The following PTPRD variants were observed in gnomAD, a reference collection of about 807,000 sequenced individuals.
PTPRD encodes the protein protein tyrosine phosphatase receptor type D, also known as receptor-type tyrosine-protein phosphatase delta.
Under a neutral mutation model 214.5 loss-of-function variants are expected in PTPRD, and 34 were observed. The observed-to-expected ratio is 0.16, with a 90% confidence interval of 0.12 to 0.21. PTPRD has a LOEUF of 0.21. Among genes scored for constraint, PTPRD ranks in the 10% least tolerant of loss-of-function variants. The pLI is 1.00. For missense variants in PTPRD, 2,545 were observed against 2,398.7 expected (o/e 1.06, Z -1.27); for synonymous variants, 1,128 against 845.7 (o/e 1.33, Z -5.79).
At chr9:10,039,147 A>T (rs1192594037) in intron 3 of PTPRD, among the ~76,000 whole-genome samples, 1 of 152,158 alleles carries the variant, frequency 6.6e-6, no homozygotes, top group East Asian at 1.9e-4. Context: ...ATAGAATTAA[A>T]TTCAAATCAT....
chr9:9,956,116 A>G (rs1247958453), intron 4 of PTPRD, among the ~76,000 whole-genome samples: 2 of 152,158 alleles, frequency 1.3e-5, no homozygotes, highest in Non-Finnish European at 2.9e-5. Flanking sequence ...GAAATGTCCA[A>G]TCTAATATAT....
chr9:10,182,173 T>C (rs926671997), intron 3 of PTPRD, among the ~76,000 whole-genome samples: 8 of 142,966 alleles, frequency 5.6e-5, no homozygotes, highest in African/African-American at 2.1e-4. Context: ...GGCAGGAGAA[T>C]CGCTTGAACT....
At chr9:10,177,187 G>T (rs779738543) in intron 3 of PTPRD, among the ~76,000 whole-genome samples, 17 of 151,880 alleles carry the variant, frequency 1.1e-4, no homozygotes, top group African/African-American at 3.9e-4. Context: ...AGTGCTTCCT[G>T]CATTTAAACT....
At chr9:10,478,388 G>C (rs565252619) in intron 2 of PTPRD, among the ~76,000 whole-genome samples, 3 of 152,132 alleles carry the variant, frequency 2.0e-5, no homozygotes, top group Admixed American at 1.3e-4. Context: ...TTCAGCCACG[G>C]CCTTGATACC....
intron 5 of PTPRD, among the ~76,000 whole-genome samples, chr9:9,768,491 C>A (rs2098724342): frequency 1.3e-5 from 2 of 152,002 alleles, no homozygotes; most frequent in South Asian, 4.2e-4. Context: ...TTATTATGTT[C>A]AAATTAATTG....
chr9:9,402,970 A>AC (rs2071341301), intron 8 of PTPRD, among the ~76,000 whole-genome samples: 1 of 145,090 alleles, frequency 6.9e-6, no homozygotes, highest in African/African-American at 2.6e-5. Flanking sequence ...TAGGGAGAAA[A>AC]AAAAAAAAAA....
At chr9:10,464,909 A>T (rs867025980) in intron 2 of PTPRD, among the ~76,000 whole-genome samples, 1 of 152,194 alleles carries the variant, frequency 6.6e-6, no homozygotes, top group Non-Finnish European at 1.5e-5. Context: ...ATAGTCATAT[A>T]GCCTAAAACT....
At chr9:9,781,643 T>C (rs965792297) in intron 5 of PTPRD, among the ~76,000 whole-genome samples, 7 of 152,192 alleles carry the variant, frequency 4.6e-5, no homozygotes, top group Admixed American at 3.3e-4. Flanking sequence ...TTCCCTGAAT[T>C]ATGCTGAAAC....
intron 4 of PTPRD, among the ~76,000 whole-genome samples, chr9:9,992,313 C>T (rs748074800): frequency 2.4e-4 from 37 of 152,048 alleles, no homozygotes; most frequent in Non-Finnish European, 4.9e-4. Flanking sequence ...AATAAAAATT[C>T]GTGGTAAAGA....
chr9:10,256,395 C>CTTTTTTTTTT (rs35833315), intron 3 of PTPRD, among the ~76,000 whole-genome samples: 1 of 144,624 alleles, frequency 6.9e-6, no homozygotes. Context: ...TGAATTACAG[C>CTTTTTTTTTT]TTTTTTTTTT....
In PTPRD at chr9:8,744,441, C is replaced by T. The variant is rs548490802; in HGVS notation, c.-103-10495G>A. On this transcript the variant is annotated intron_variant, in intron 11 of 45. Transcript: ENST00000381196. ...GAGTGGATAAAGAAAATGCAGTATA[C>T]TTATACCACGGAATATGACTAAGCC... 4.4e-4 allele frequency among the ~76,000 whole-genome samples: 67 copies of T among 152,278 alleles called. 1 individual carries two copies. The South Asian group carries it at 0.014, about 31-fold the overall frequency.
chr9:8,598,153 T>C, intron 14 of PTPRD, among the ~76,000 whole-genome samples: 1 of 152,146 alleles, frequency 6.6e-6, no homozygotes, highest in Non-Finnish European at 1.5e-5. Context: ...TAGACTTTCA[T>C]ACATTCTCCA....
At chr9:9,832,370 T>C (rs2055170424) in intron 5 of PTPRD, among the ~76,000 whole-genome samples, 1 of 152,112 alleles carries the variant, frequency 6.6e-6, no homozygotes, top group East Asian at 1.9e-4. Flanking sequence ...TGTGTATTTT[T>C]CAGGACCAAA....
At chr9:8,902,929 T>A (rs1247338652) in intron 11 of PTPRD, among the ~76,000 whole-genome samples, 2 of 152,192 alleles carry the variant, frequency 1.3e-5, no homozygotes, top group Non-Finnish European at 2.9e-5. Context: ...GCTTAGGTGC[T>A]TTATTGTTTG....
At chr9:9,194,756 T>A (rs1158946751) in intron 9 of PTPRD, among the ~76,000 whole-genome samples, 1 of 152,112 alleles carries the variant, frequency 6.6e-6, no homozygotes, top group Admixed American at 6.6e-5. Flanking sequence ...ATAGTTCTAA[T>A]AGCACATTGC....
chr9:9,930,020 T>C (rs1263560837), intron 5 of PTPRD, among the ~76,000 whole-genome samples: 1 of 152,106 alleles, frequency 6.6e-6, no homozygotes, highest in Admixed American at 6.6e-5. Flanking sequence ...ACTCAGTCTG[T>C]AGGAAACAAA....
chr9:9,993,643 A>C (rs1162670304), intron 4 of PTPRD, among the ~76,000 whole-genome samples: 1 of 152,200 alleles, frequency 6.6e-6, no homozygotes, highest in Non-Finnish European at 1.5e-5. Context: ...GAGAGGAAGC[A>C]GGGGTTTGTG....
At chr9:9,276,865 G>A (rs1007875275) in intron 9 of PTPRD, among the ~76,000 whole-genome samples, 3 of 151,324 alleles carry the variant, frequency 2.0e-5, no homozygotes, top group African/African-American at 7.3e-5. Context: ...AACAAAGAGA[G>A]GCCATTTGCC....
chr9:8,633,668 C>G (rs1400911459), intron 13 of PTPRD, among the ~76,000 whole-genome samples: 1 of 152,054 alleles, frequency 6.6e-6, no homozygotes, highest in Non-Finnish European at 1.5e-5. Context: ...ACTACATATG[C>G]AAAACATGGA....
Sources: gnomAD v4.1 joint callset for allele counts (sites outside exome capture counted in the v4.1 genomes callset) on GRCh38, gnomAD v4.1.1 for gene constraint, MANE v1.5 for transcripts, NCBI Gene and HGNC (gene_info 2026-07-23, HGNC 2026-07-21) for gene names.